Variants in POLR2E observed in about 807,000 individuals in gnomAD.
POLR2E encodes RNA polymerase II, I and III subunit E.
Under a neutral mutation model 29.8 loss-of-function variants are expected in POLR2E, and 35 were observed. The ratio of observed to expected loss-of-function variants is 1.17; its 90% confidence interval spans 0.90 to 1.55. The LOEUF (loss-of-function observed/expected upper bound fraction) is 1.55, where lower values mean the gene tolerates loss of function less well. Ranked by LOEUF, POLR2E falls within the 40% of genes most tolerant of loss-of-function variation. The pLI is 0.00. For synonymous variants in POLR2E, 174 were observed against 112.6 expected (o/e 1.55, Z -3.45); for missense variants, 287 against 288.6 (o/e 0.99, Z 0.04).
chr19:1,088,532 T>TCCACAGGTGAATGGGGCGGGCTGGG lies in POLR2E; in HGVS notation c.*178_*202dup, dbSNP rs1422912211. ...CTTCTGAGGCTGCATCTCGCACAAA[T>TCCACAGGTGAATGGGGCGGGCTGGG]CCACAGGTGAATGGGGCGGGCTGGG... On this transcript the variant is annotated 3_prime_UTR_variant, in exon 8 of 8. Coordinates refer to ENST00000615234, the MANE Select transcript of POLR2E (RefSeq NM_002695.5). The TCCACAGGTGAATGGGGCGGGCTGGG allele has an allele frequency of 8.4e-4, 128 of 152,076 alleles. No individual in the cohort carries two copies. Among genetic ancestry groups the TCCACAGGTGAATGGGGCGGGCTGGG allele is most frequent in the African/African-American group, 2.7e-3 (112 of 41,286 alleles). 9.4% of individuals were successfully genotyped at this position (152,076 alleles called of 1,614,324 possible).
chr19:1,094,080 T>C lies in POLR2E; in HGVS notation c.58-2A>G. 6.2e-7 allele frequency: 1 copy of C among 1,605,626 alleles called. No individual in the cohort carries two copies. The highest frequency in any genetic ancestry group is 8.5e-7 in the Non-Finnish European group (1 of 1,176,270). On this transcript the variant is annotated splice_acceptor_variant, in intron 1 of 7. Coordinates refer to ENST00000615234, the MANE Select transcript of POLR2E (RefSeq NM_002695.5). LOFTEE classifies it high-confidence loss of function. The stretch of plus-strand genomic sequence containing the variant: ...CAGATAGCCACGGTCGTGGCACAGC[T>C]GCAGAGAGAAAGAACCAGCTGACCC...
chr19:1,091,813 G>T lies in POLR2E; in HGVS notation c.327C>A (p.Gly109=). The T allele has an allele frequency of 6.2e-7, 1 of 1,610,372 alleles. No homozygotes were observed. The highest frequency in any genetic ancestry group is 8.5e-7 in the Non-Finnish European group (1 of 1,178,624). The change falls in exon 3 of 8, where the codon GGC becomes GGA. Residue 109 remains glycine (G), a synonymous_variant. Coordinates refer to ENST00000615234, the MANE Select transcript of POLR2E (RefSeq NM_002695.5). ...CCACCTGCTTGGCGGAGGGTGTCAT[G>T]CCCTGCTGCACCACGATGAGAGCCC... ...ITRALIVVQQ[G]MTPSAKQSLV...
Position 1,089,925 on chromosome 19 carries a change from C to T in POLR2E, c.526G>A (p.Gly176Arg). 1 of 1,613,044 alleles carries T rather than the reference C, an allele frequency of 6.2e-7. No individual in the cohort carries two copies. The highest frequency in any genetic ancestry group is 8.5e-7 in the Non-Finnish European group (1 of 1,179,922). Residue 176 changes from glycine (G) to arginine (R), a missense_variant, in exon 6 of 8, where the codon GGG becomes AGG. Gly to Arg is a moderately radical substitution (Grantham distance 125). Coordinates refer to ENST00000615234, the MANE Select transcript of POLR2E (RefSeq NM_002695.5). ...RENQLPRIQA[G>R]DPVARYFGIK... ...CCAAAGTAGCGCGCCACAGGGTCCCCCGCCTGGATCCTGGGCAGCTGGTTC... is the reference window on the plus strand; with the variant it reads ...CCAAAGTAGCGCGCCACAGGGTCCCTCGCCTGGATCCTGGGCAGCTGGTTC...
intron 3 of POLR2E, 143 bp downstream of exon 3, chr19:1,091,649 T>C: frequency 3.2e-6 from 2 of 632,724 alleles, no homozygotes; most frequent in Non-Finnish European, 5.7e-6. Context: ...GGTCGGGGCT[T>C]GCCGGACATC....
In POLR2E at chr19:1,089,885, T is replaced by G; in HGVS notation, c.566A>C (p.Gln189Pro). ...GCCCCTTCTCCCCACAGGGCTCACCTGCCCACGCTTTATCCCAAAGTAGCG... is the reference window on the plus strand; with the variant it reads ...GCCCCTTCTCCCCACAGGGCTCACCGGCCCACGCTTTATCCCAAAGTAGCG... ...VARYFGIKRG[Q>P]VVKIIRPSET... is the part of the protein sequence containing the mutation. Residue 189 changes from glutamine (Q) to proline (P), a missense_variant and splice_region_variant, in exon 6 of 8, where the codon CAG becomes CCG. By Grantham distance (76) the Gln-to-Pro change is moderately conservative. Coordinates refer to ENST00000615234, the MANE Select transcript of POLR2E (RefSeq NM_002695.5). 1 of 1,611,098 alleles carries G rather than the reference T, an allele frequency of 6.2e-7. No individual in the cohort carries two copies. The highest frequency in any genetic ancestry group is 8.5e-7 in the Non-Finnish European group (1 of 1,179,102).
At chr19:1,090,662 C>A (rs1368847904) in intron 4 of POLR2E, among the ~76,000 whole-genome samples, 7 of 151,946 alleles carry the variant, frequency 4.6e-5, no homozygotes. Flanking sequence ...TCGTGATCCG[C>A]CCGCCTCGGC....
chr19:1,091,654 G>A lies in POLR2E; in HGVS notation c.348+138C>T, dbSNP rs917383662. The stretch of plus-strand genomic sequence containing the variant: ...GGAGGGAGGCGGTCGGGGCTTGCCG[G>A]ACATCCCGGCCACATCCTCCAGGGC... On this transcript the variant is annotated intron_variant, in intron 3 of 7. Transcript: ENST00000615234. The A allele has an allele frequency of 1.1e-5, 7 of 640,226 alleles. No homozygotes were observed. In the Admixed American group the frequency reaches 1.4e-4, roughly 13 times the overall value. The allele number at this position is 640,226 out of a possible 1,614,324, so 39.7% of individuals were successfully genotyped here. A position where few individuals can be genotyped will look rare whatever the true frequency, so the allele number is the denominator to read the frequency against.
chr19:1,090,793 C>G (rs2043812617), intron 4 of POLR2E, 115 bp downstream of exon 4: 2 of 852,480 alleles, frequency 2.3e-6, no homozygotes, highest in Admixed American at 2.4e-5. Context: ...CCCTGTCCTC[C>G]ATGCACTAAT....
Position 1,094,152 on chromosome 19 carries a change from G to T in POLR2E, c.58-74C>A. ...GCCAAAGCTCGTGACCCGGAAGTCA[G>T]ACCTGCGGCTGCTGCAGAGGACAGA... On this transcript the variant is annotated intron_variant, in intron 1 of 7. Coordinates refer to ENST00000615234, the MANE Select transcript of POLR2E (RefSeq NM_002695.5). 2.1e-6 allele frequency: 3 copies of T among 1,410,534 alleles called. No individual in the cohort carries two copies. In the South Asian group the frequency reaches 3.9e-5, roughly 18 times the overall value. The allele number at this position is 1,410,534 out of a possible 1,614,324, so 87.4% of individuals were successfully genotyped here. A position where few individuals can be genotyped will look rare whatever the true frequency, so the allele number is the denominator to read the frequency against.
intron 6 of POLR2E, 140 bp from the exon 7 acceptor site, chr19:1,089,691 T>G (rs752108811): frequency 1.2e-6 from 1 of 809,960 alleles, no homozygotes; most frequent in African/African-American, 1.7e-5. Context: ...ACCCGCTCCC[T>G]GGGAACCTGG....
At chr19:1,095,106 G>A (rs1394350324) in intron 1 of POLR2E, 153 bp downstream of exon 1, 1 of 728,614 alleles carries the variant, frequency 1.4e-6, no homozygotes, top group Non-Finnish European at 2.2e-6. Flanking sequence ...TCCAGCGCCT[G>A]GTATCCCCGG....
At position 1,087,746 on chromosome 19, in the gene POLR2E, A is replaced by T. The variant is rs1228490692; in HGVS notation, c.*989T>A. The stretch of plus-strand genomic sequence containing the variant: ...CAGTCCGCGGCCTGGGGATCTGGGG[A>T]CCCTGCTGCACAGAACAGTGGGCGC... On this transcript the variant is annotated 3_prime_UTR_variant, in exon 8 of 8. Transcript: ENST00000615234. The T allele has an allele frequency of 6.6e-6, 1 of 152,250 alleles. No individual in the cohort carries two copies. Among genetic ancestry groups the T allele is most frequent in the Non-Finnish European group, 1.5e-5 (1 of 68,040 alleles). The allele number at this position is 152,250 out of a possible 1,614,324, so 9.4% of individuals were successfully genotyped here.
chr19:1,093,752 C>T (rs767153472), intron 2 of POLR2E, 152 bp downstream of exon 2: 1 of 1,412,618 alleles, frequency 7.1e-7, no homozygotes, highest in Non-Finnish European at 9.2e-7. Flanking sequence ...ACGGCATCAC[C>T]CACAGCAAGG....
chr19:1,094,359 C>T, intron 1 of POLR2E: 1 of 438,746 alleles, frequency 2.3e-6, no homozygotes. Flanking sequence ...CAAAGCCCTC[C>T]AAACCACTTT....
chr19:1,091,936 C>A (rs369640082), intron 2 of POLR2E, 29 bp from the exon 3 acceptor site: 26 of 1,516,708 alleles, frequency 1.7e-5, no homozygotes, highest in Non-Finnish European at 2.3e-5. Context: ...CTGGCCTGCA[C>A]GAGCCTGGGC....
chr19:1,092,581 G>A (rs754992548), intron 2 of POLR2E, among the ~76,000 whole-genome samples: 4 of 152,020 alleles, frequency 2.6e-5, no homozygotes, highest in African/African-American at 9.7e-5. Flanking sequence ...CCAGCTACTC[G>A]GGAGGCTGAG....
At chr19:1,095,225 C>T (rs2043915454) in intron 1 of POLR2E, 34 bp downstream of exon 1, 8 of 1,608,178 alleles carry the variant, frequency 5.0e-6, no homozygotes, top group Non-Finnish European at 6.8e-6. Context: ...ACCCGCCGCC[C>T]GCGCCCCCGC....
At chr19:1,089,429 T>TG (rs1477708070) in intron 7 of POLR2E, 43 bp downstream of exon 7, 1 of 1,340,990 alleles carries the variant, frequency 7.5e-7, no homozygotes, top group Non-Finnish European at 1.1e-6. Flanking sequence ...ACGACACCCC[T>TG]GCCTCTGACC....
rs887106430 is a variant in POLR2E at position 1,088,694 on chromosome 19, G to C, written c.*41C>G. Reference sequence around the variant, plus strand: ...AGGGGCGTTTGTCCTGCAGGGATGGGGGTCGCTGTGTGTCCGCCTCTAGGG... The same window carrying C: ...AGGGGCGTTTGTCCTGCAGGGATGGCGGTCGCTGTGTGTCCGCCTCTAGGG... On this transcript the variant is annotated 3_prime_UTR_variant, in exon 8 of 8. Coordinates refer to ENST00000615234, the MANE Select transcript of POLR2E (RefSeq NM_002695.5). 1.3e-5 allele frequency: 2 copies of C among 151,896 alleles called. No individual in the cohort carries two copies. The highest frequency in any genetic ancestry group is 2.4e-5 in the African/African-American group (1 of 41,384). 9.4% of individuals were successfully genotyped at this position (151,896 alleles called of 1,614,324 possible). A position where few individuals can be genotyped will look rare whatever the true frequency, so the allele number is the denominator to read the frequency against.
Sources: gnomAD v4.1 joint callset for allele counts (sites outside exome capture counted in the v4.1 genomes callset) on GRCh38, gnomAD v4.1.1 for gene constraint, MANE v1.5 for transcripts, NCBI Gene and HGNC (gene_info 2026-07-23, HGNC 2026-07-21) for gene names.